TMEM164: variants seen among roughly 807,000 people sequenced by gnomAD.
TMEM164 encodes RP13-360B22.2.
TMEM164 carries 4 observed loss-of-function variants against 18.8 expected under a neutral mutation model. The ratio of observed to expected loss-of-function variants is 0.21; its 90% confidence interval spans 0.10 to 0.49. The LOEUF (loss-of-function observed/expected upper bound fraction) is 0.49. Ranked by LOEUF, TMEM164 falls within the 20% of genes least tolerant of loss-of-function variation. The pLI is 0.98. For synonymous variants in TMEM164, 86 were observed against 101.7 expected, an observed-to-expected ratio of 0.85 and a Z score of 0.93; for missense variants, 108 against 239.9, an observed-to-expected ratio of 0.45 and a Z score of 3.63.
At chrX:110,052,811 C>T (rs1478676265) in intron 2 of TMEM164, among the ~76,000 whole-genome samples, 2 of 89,784 alleles carry the variant, frequency 2.2e-5, no homozygotes, top group Non-Finnish European at 4.2e-5. Flanking sequence ...AGTGCAGTGG[C>T]GCCATCTTGG....
intron 4 of TMEM164, among the ~76,000 whole-genome samples, chrX:110,115,419 T>G (rs2147991145): frequency 8.9e-6 from 1 of 112,287 alleles, no homozygotes; most frequent in African/African-American, 3.2e-5. Context: ...TGCCTCAACC[T>G]TCTGCAAAGG....
At chrX:110,127,798 T>C (rs920245292) in intron 4 of TMEM164, among the ~76,000 whole-genome samples, 1 of 111,139 alleles carries the variant, frequency 9.0e-6, no homozygotes, top group Non-Finnish European at 1.9e-5. Flanking sequence ...CTCCTTCCAA[T>C]AACTAAAATA....
intron 4 of TMEM164, among the ~76,000 whole-genome samples, chrX:110,119,226 G>A: frequency 8.9e-6 from 1 of 112,139 alleles, no homozygotes; most frequent in Non-Finnish European, 1.9e-5. Context: ...GAAAAAAAAG[G>A]TGGCGGCTTT....
chrX:110,122,867 C>T (rs997979057), intron 4 of TMEM164, among the ~76,000 whole-genome samples: 2 of 112,224 alleles, frequency 1.8e-5, no homozygotes, highest in South Asian at 3.6e-4. Flanking sequence ...TGTGGGTTGT[C>T]ATTGCATTTG....
intron 2 of TMEM164, among the ~76,000 whole-genome samples, chrX:110,034,116 C>G (rs1169365296): frequency 8.9e-6 from 1 of 111,922 alleles, no homozygotes; most frequent in Non-Finnish European, 1.9e-5. Flanking sequence ...AGAAGTGACC[C>G]AGAATCACAG....
intron 5 of TMEM164, among the ~76,000 whole-genome samples, chrX:110,156,178 G>T (rs767198208): frequency 8.9e-6 from 1 of 111,989 alleles, no homozygotes; most frequent in Non-Finnish European, 1.9e-5. Flanking sequence ...GGCAAACTTC[G>T]TGTGTTCCTT....
chrX:110,050,040 C>T (rs1935484571), intron 2 of TMEM164, among the ~76,000 whole-genome samples: 1 of 112,026 alleles, frequency 8.9e-6, no homozygotes, highest in South Asian at 3.7e-4. Context: ...CATTGAACAC[C>T]GTTAAGAAAA....
At chrX:110,111,292 A>G (rs143867152) in intron 4 of TMEM164, among the ~76,000 whole-genome samples, 425 of 112,695 alleles carry the variant, frequency 3.8e-3, no homozygotes, top group Non-Finnish European at 5.4e-3. Context: ...TTAACAAAAA[A>G]CGGTGAATTT....
At chrX:110,133,226 C>G (rs1042380940) in intron 4 of TMEM164, among the ~76,000 whole-genome samples, 2 of 111,706 alleles carry the variant, frequency 1.8e-5, no homozygotes, top group African/African-American at 3.3e-5. Flanking sequence ...TCTTAGCTCA[C>G]AGCAACCTCC....
chrX:110,039,281 A>G (rs1329959244), intron 2 of TMEM164, among the ~76,000 whole-genome samples: 2 of 112,457 alleles, frequency 1.8e-5, no homozygotes, highest in Non-Finnish European at 3.8e-5. Flanking sequence ...CTCATCCCTC[A>G]GCATGCTTGC....
intron 4 of TMEM164, among the ~76,000 whole-genome samples, chrX:110,119,518 A>G (rs959183960): frequency 5.4e-5 from 6 of 112,066 alleles, no homozygotes; most frequent in African/African-American, 1.3e-4. Context: ...TGTTTGTTAC[A>G]TATTCTGGAA....
intron 2 of TMEM164, chrX:110,065,443 A>G (rs1174213384): frequency 1.8e-5 from 2 of 111,199 alleles, no homozygotes; most frequent in Non-Finnish European, 3.8e-5. Context: ...TTCTCTGTGT[A>G]CTGTAGCTTC....
intron 4 of TMEM164, among the ~76,000 whole-genome samples, chrX:110,135,411 A>G (rs887501926): frequency 9.0e-6 from 1 of 111,356 alleles, no homozygotes; most frequent in African/African-American, 3.3e-5. Flanking sequence ...TAAATTACAA[A>G]TTTTTTGTAA....
At chrX:110,091,235 A>C (rs982869968) in intron 3 of TMEM164, among the ~76,000 whole-genome samples, 3 of 112,492 alleles carry the variant, frequency 2.7e-5, no homozygotes, top group African/African-American at 6.5e-5. Context: ...TAATGGGATG[A>C]CTGGCTCAAA....
Position 110,173,762 on chromosome X carries a change from T to C in TMEM164, c.*311T>C, listed in dbSNP as rs2067260311. The C allele has an allele frequency of 3.6e-6, 1 of 275,916 alleles. No individual in the cohort carries two copies. The allele number at this position is 275,916 out of a possible 1,213,427, so 22.7% of individuals were successfully genotyped here. On this transcript the variant is annotated 3_prime_UTR_variant, in exon 7 of 7. Transcript: ENST00000372068. ...TCTTTCACTCTGCTTGTCGGTGCTT[T>C]AACAACAGCTGGTTGAGGAGAAAGG...
intron 5 of TMEM164, among the ~76,000 whole-genome samples, chrX:110,162,893 G>T (rs1269296946): frequency 8.9e-6 from 1 of 111,975 alleles, no homozygotes; most frequent in Non-Finnish European, 1.9e-5. Flanking sequence ...CCAATCATTG[G>T]TCTATATTCC....
chrX:110,136,609 G>A (rs1487589558), intron 4 of TMEM164, among the ~76,000 whole-genome samples: 1 of 111,526 alleles, frequency 9.0e-6, no homozygotes, highest in African/African-American at 3.3e-5. Flanking sequence ...TTCTGGTAAG[G>A]CCAAGTCACC....
At chrX:110,040,565 GA>G (rs1055836682) in intron 2 of TMEM164, among the ~76,000 whole-genome samples, 3 of 111,839 alleles carry the variant, frequency 2.7e-5, no homozygotes, top group Non-Finnish European at 5.6e-5. Flanking sequence ...TTTTCATGAT[GA>G]CAAGATGCAG....
Position 110,173,461 on chromosome X carries a change from T to A in TMEM164, c.*10T>A, listed in dbSNP as rs752706773. 1.2e-5 allele frequency: 2 copies of A among 169,715 alleles called. No individual in the cohort carries two copies. The highest frequency in any genetic ancestry group is 1.7e-5 in the Non-Finnish European group (2 of 115,290). The allele number at this position is 169,715 out of a possible 1,213,427, so 14.0% of individuals were successfully genotyped here. On this transcript the variant is annotated 3_prime_UTR_variant, in exon 7 of 7. Transcript: ENST00000372068. ...CAAGAAAATAGACTGAAGGTGCTTA[T>A]TTTTTTTTTTTTTCCTCCCTGAGGA...
Sources: gnomAD v4.1 joint callset for allele counts (sites outside exome capture counted in the v4.1 genomes callset) on GRCh38, gnomAD v4.1.1 for gene constraint, MANE v1.5 for transcripts, NCBI Gene and HGNC (gene_info 2026-07-23, HGNC 2026-07-21) for gene names.